Variants in GIPC3 observed in about 807,000 individuals in gnomAD.
GIPC3 encodes the protein GIPC PDZ domain containing family member 3.
GIPC3 carries 16 observed loss-of-function variants against 27.3 expected under a neutral mutation model. That is an observed-to-expected ratio of 0.59 (90% CI 0.40 to 0.89). The LOEUF is 0.89. Ranked by LOEUF, GIPC3 falls within the 40% of genes least tolerant of loss-of-function variation. The pLI, the probability that GIPC3 is intolerant of heterozygous loss-of-function variation, is 0.00. For synonymous variants in GIPC3, 194 were observed against 184.6 expected (o/e 1.05, Z -0.41); for missense variants, 440 against 442.1 (o/e 1.00, Z 0.04).
In GIPC3 at chr19:3,591,313, G is replaced by A; in HGVS notation, c.*1123G>A. 8.1e-7 allele frequency: 1 copy of A among 1,232,530 alleles called. No homozygotes were observed. The highest frequency in any genetic ancestry group is 3.2e-5 in the East Asian group (1 of 31,722). The allele number at this position is 1,232,530 out of a possible 1,614,324, so 76.3% of individuals were successfully genotyped here. ...AAGCACATCTCTAGAATCCAGCTGA[G>A]CCCTGACAACAAGCCAAACTCTGGA... On this transcript the variant is annotated 3_prime_UTR_variant, in exon 6 of 6. Coordinates refer to ENST00000644452, the MANE Select transcript of GIPC3 (RefSeq NM_133261.3).
Position 3,590,185 on chromosome 19 carries a change from G to C in GIPC3, c.934G>C (p.Gly312Arg). ...AAIGEAREACG is the reference protein window; with the variant it reads ...AAIGEAREACR ...CATCGGCGAGGCCAGAGAGGCCTGTGGCTAGTTTGCCCTGGGGGGGCCCAG... is the reference window on the plus strand; with the variant it reads ...CATCGGCGAGGCCAGAGAGGCCTGTCGCTAGTTTGCCCTGGGGGGGCCCAG... The change falls in exon 6 of 6, where the codon GGC becomes CGC. Residue 312 changes from glycine to arginine, a missense_variant. Physicochemically the swap from Gly to Arg is moderately radical, Grantham distance 125. Transcript: ENST00000644452. 1 of 1,595,904 alleles carries C rather than the reference G, an allele frequency of 6.3e-7. No homozygotes were observed. The highest frequency in any genetic ancestry group is 8.5e-7 in the Non-Finnish European group (1 of 1,172,398).
rs2032476484 is a variant in GIPC3 at position 3,590,835 on chromosome 19, A to T, written c.*645A>T. Reference sequence around the variant, plus strand: ...CTCTAGAACTCAGATGGGCTCTGAGACCATGCCCAGCTCTAGAACTCAGAT... The same window carrying T: ...CTCTAGAACTCAGATGGGCTCTGAGTCCATGCCCAGCTCTAGAACTCAGAT... On this transcript the variant is annotated 3_prime_UTR_variant, in exon 6 of 6. Coordinates refer to ENST00000644452, the MANE Select transcript of GIPC3 (RefSeq NM_133261.3). 8.1e-7 allele frequency: 1 copy of T among 1,236,676 alleles called. No individual in the cohort carries two copies. The allele number at this position is 1,236,676 out of a possible 1,614,324, so 76.6% of individuals were successfully genotyped here. A position where few individuals can be genotyped will look rare whatever the true frequency, so the allele number is the denominator to read the frequency against.
intron 3 of GIPC3, 140 bp from the exon 4 acceptor site, chr19:3,589,303 T>C (rs146738112): frequency 0.011 from 7,545 of 709,608 alleles, 68 homozygotes; most frequent in South Asian, 0.027. Flanking sequence ...AATAGGTCTC[T>C]GGAGACTTGC....
chr19:3,591,566 C>T lies in GIPC3; in HGVS notation c.*1376C>T, dbSNP rs2032488562. On this transcript the variant is annotated 3_prime_UTR_variant, in exon 6 of 6. Transcript: ENST00000644452. ...AGCCCAGCTCTGGAACCCCAGTCAG[C>T]TCAGGATTCAGAGACAGCTCCCAAA... 9 of 1,232,718 alleles carry T rather than the reference C, an allele frequency of 7.3e-6. No homozygotes were observed. Among genetic ancestry groups the T allele is most frequent in the Non-Finnish European group, 8.1e-6 (8 of 988,730 alleles). The allele number at this position is 1,232,718 out of a possible 1,614,324, so 76.4% of individuals were successfully genotyped here. A position where few individuals can be genotyped will look rare whatever the true frequency, so the allele number is the denominator to read the frequency against.
Position 3,591,676 on chromosome 19 carries a change from C to A in GIPC3, c.*1486C>A. On this transcript the variant is annotated 3_prime_UTR_variant, in exon 6 of 6. Transcript: ENST00000644452. Reference sequence around the variant, plus strand: ...TCCAGATCCCAACCCCAGTTGCATCCAAGTGCCCATCCCCATCCTGCAGCC... The same window carrying A: ...TCCAGATCCCAACCCCAGTTGCATCAAAGTGCCCATCCCCATCCTGCAGCC... The A allele has an allele frequency of 8.1e-7, 1 of 1,234,492 alleles. No homozygotes were observed. The highest frequency in any genetic ancestry group is 1.0e-6 in the Non-Finnish European group (1 of 989,916). The allele number at this position is 1,234,492 out of a possible 1,614,324, so 76.5% of individuals were successfully genotyped here. A position where few individuals can be genotyped will look rare whatever the true frequency, so the allele number is the denominator to read the frequency against.
chr19:3,589,730 G>C (rs2032444463), intron 4 of GIPC3, 101 bp from the exon 5 acceptor site: 1 of 1,246,120 alleles, frequency 8.0e-7, no homozygotes. Context: ...ACTCGTGTGA[G>C]GGTCCAGTCT....
intron 3 of GIPC3, among the ~76,000 whole-genome samples, chr19:3,588,536 C>T (rs2032418337): frequency 6.7e-6 from 1 of 150,090 alleles, no homozygotes; most frequent in South Asian, 2.1e-4. Flanking sequence ...AAAGCCATGC[C>T]TAAAAATAGA....
chr19:3,590,805 C>G lies in GIPC3; in HGVS notation c.*615C>G, dbSNP rs2032475660. The G allele has an allele frequency of 1.6e-6, 2 of 1,234,932 alleles. No homozygotes were observed. Among genetic ancestry groups the G allele is most frequent in the Non-Finnish European group, 2.0e-6 (2 of 990,024 alleles). 76.5% of individuals were successfully genotyped at this position (1,234,932 alleles called of 1,614,324 possible). ...AACTCAGATGGGCTCTGAGACCGAG[C>G]CCAGCTCTAGAACTCAGATGGGCTC... On this transcript the variant is annotated 3_prime_UTR_variant, in exon 6 of 6. Transcript: ENST00000644452.
chr19:3,588,711 A>G (rs2032424366), intron 3 of GIPC3, among the ~76,000 whole-genome samples: 1 of 151,478 alleles, frequency 6.6e-6, no homozygotes, highest in Non-Finnish European at 1.5e-5. Context: ...TTGGAAGGCC[A>G]AGGCGGGTGC....
intron 1 of GIPC3, among the ~76,000 whole-genome samples, chr19:3,586,269 G>C (rs765831682): frequency 6.6e-6 from 1 of 152,140 alleles, no homozygotes; most frequent in Admixed American, 6.5e-5. Context: ...GGCGCCAGCA[G>C]ATTAAACCTG....
intron 3 of GIPC3, 32 bp from the exon 4 acceptor site, chr19:3,589,411 C>A: frequency 6.6e-7 from 1 of 1,521,086 alleles, no homozygotes; most frequent in Non-Finnish European, 9.1e-7. Flanking sequence ...CCACCCAGAA[C>A]CCATGGCCAT....
rs563745682 is a variant in GIPC3 at position 3,590,307 on chromosome 19, T to G, written c.*117T>G. ...GTTCCTCTCTAGAACCCAATCCAAT[T>G]TGGAGCCCCAGCCCAACTCCAGAAC... On this transcript the variant is annotated 3_prime_UTR_variant, in exon 6 of 6. Coordinates refer to ENST00000644452, the MANE Select transcript of GIPC3 (RefSeq NM_133261.3). 50 of 1,461,526 alleles carry G rather than the reference T, an allele frequency of 3.4e-5. No homozygotes were observed. The South Asian group carries it at 5.0e-4, about 15-fold the overall frequency. The allele number at this position is 1,461,526 out of a possible 1,614,324, so 90.5% of individuals were successfully genotyped here.
rs1213055283 is a variant in GIPC3, at chr19:3,591,241, G to A, written c.*1051G>A. On this transcript the variant is annotated 3_prime_UTR_variant, in exon 6 of 6. Transcript: ENST00000644452. Reference sequence around the variant, plus strand: ...AAACCCAGCTCTAGAACCCAGATAAGATCTGAGACCAAGCCCTGCTCTGAA... The same window carrying A: ...AAACCCAGCTCTAGAACCCAGATAAAATCTGAGACCAAGCCCTGCTCTGAA... 1 of 1,232,760 alleles carries A rather than the reference G, an allele frequency of 8.1e-7. No homozygotes were observed. The highest frequency in any genetic ancestry group is 1.6e-5 in the African/African-American group (1 of 64,422). The allele number at this position is 1,232,760 out of a possible 1,614,324, so 76.4% of individuals were successfully genotyped here.
chr19:3,590,046 C>T lies in GIPC3; in HGVS notation c.795C>T (p.Thr265=), dbSNP rs773206289. ...CTCTGGCACGGCCCGCAGCGTCCAC[C>T]ATGGTGGAGACGTCCAAGAAGACAG... ...MGIRDPELAS[T]MVETSKKTAS... Residue 265 remains threonine (T), a synonymous_variant, in exon 6 of 6, where the codon ACC becomes ACT. Transcript: ENST00000644452. The T allele has an allele frequency of 6.2e-7, 1 of 1,612,522 alleles. No homozygotes were observed. The highest frequency in any genetic ancestry group is 1.3e-5 in the African/African-American group (1 of 75,050).
chr19:3,589,686 A>C (rs1242628093), intron 4 of GIPC3, 131 bp downstream of exon 4: 5 of 1,109,628 alleles, frequency 4.5e-6, no homozygotes, highest in Non-Finnish European at 6.8e-6. Context: ...CCTCATTGAA[A>C]AGTGGGGCAA....
Position 3,586,648 on chromosome 19 carries a change from A to C in GIPC3, c.379A>C (p.Thr127Pro). 1 of 1,577,290 alleles carries C rather than the reference A, an allele frequency of 6.3e-7. No homozygotes were observed. Among genetic ancestry groups the C allele is most frequent in the Non-Finnish European group, 8.6e-7 (1 of 1,159,482 alleles). ...KTEDALGLTI[T>P]DNGAGYAFIK... ...AGAGGATGCTCTGGGGCTGACCATC[A>C]CGGACAACGGGGCTGGCTACGCCTT... The change falls in exon 2 of 6, where the codon ACG (threonine) becomes CCG (proline). Residue 127 changes from threonine (T) to proline (P), a missense_variant. Transcript: ENST00000644452.
In GIPC3 at chr19:3,592,770, A is replaced by T; in HGVS notation, c.*2580A>T. The T allele has an allele frequency of 8.1e-7, 1 of 1,232,046 alleles. No individual in the cohort carries two copies. Among genetic ancestry groups the T allele is most frequent in the Non-Finnish European group, 1.0e-6 (1 of 987,982 alleles). 76.3% of individuals were successfully genotyped at this position (1,232,046 alleles called of 1,614,324 possible). ...TCAGCCCAGCCCTGGAGCCCACCTT[A>T]GTTCTGGAACCCAGCCTGTTTCTGG... On this transcript the variant is annotated 3_prime_UTR_variant, in exon 6 of 6. Transcript: ENST00000644452.
Position 3,589,501 on chromosome 19 carries a change from C to A in GIPC3, c.651C>A (p.Ser217Arg), listed in dbSNP as rs779708218. ...SKCPVEAKVT[S>R]GRETLRLRSG... Reference sequence around the variant, plus strand: ...GTCCAGTAGAGGCGAAAGTGACCAGCGGGAGGGAGACCCTGCGGCTTCGTT... The same window carrying A: ...GTCCAGTAGAGGCGAAAGTGACCAGAGGGAGGGAGACCCTGCGGCTTCGTT... The change falls in exon 4 of 6, where the codon AGC becomes AGA. Residue 217 changes from serine to arginine, a missense_variant. Ser to Arg is a moderately radical substitution (Grantham distance 110). Coordinates refer to ENST00000644452, the MANE Select transcript of GIPC3 (RefSeq NM_133261.3). 7 of 1,613,942 alleles carry A rather than the reference C, an allele frequency of 4.3e-6. No homozygotes were observed. The highest frequency in any genetic ancestry group is 1.1e-5 in the South Asian group (1 of 91,056).
intron 3 of GIPC3, 143 bp from the exon 4 acceptor site, chr19:3,589,300 C>G: frequency 1.4e-6 from 1 of 704,426 alleles, no homozygotes; most frequent in Non-Finnish European, 2.6e-6. Flanking sequence ...TCGAATAGGT[C>G]TCTGGAGACT....
Sources: allele counts gnomAD v4.1 joint callset (sites outside exome capture counted in the v4.1 genomes callset), GRCh38; gene constraint gnomAD v4.1.1; transcripts MANE v1.5; gene names NCBI Gene and HGNC (gene_info 2026-07-23, HGNC 2026-07-21).